The following HBP1 variants were observed in gnomAD, a reference collection of about 807,000 sequenced individuals.
The protein encoded by HBP1 is HMG-box transcription factor 1.
A neutral mutation model predicts 62.6 loss-of-function variants in HBP1; 20 were observed. The observed-to-expected ratio is 0.32, with a 90% confidence interval of 0.22 to 0.46. The LOEUF (loss-of-function observed/expected upper bound fraction) is 0.46. Ranked by LOEUF, HBP1 falls within the 20% of genes least tolerant of loss-of-function variation. The pLI is 1.00. For missense variants in HBP1, 480 were observed against 611.8 expected, an observed-to-expected ratio of 0.78 and a Z score of 2.27; for synonymous variants, 232 against 206.2, an observed-to-expected ratio of 1.12 and a Z score of -1.07.
intron 3 of HBP1, among the ~76,000 whole-genome samples, chr7:107,184,820 C>T (rs1337393965): frequency 3.3e-5 from 5 of 152,180 alleles, no homozygotes; most frequent in Non-Finnish European, 5.9e-5. Context: ...GGCCCTTCCT[C>T]TCCTTTTTAA....
At chr7:107,188,331 T>C (rs184252268) in intron 6 of HBP1, among the ~76,000 whole-genome samples, 244 of 152,314 alleles carry the variant, frequency 1.6e-3, no homozygotes, top group Non-Finnish European at 2.6e-3. Context: ...AAGTTGTTAT[T>C]ATCATCCTTC....
Position 107,189,292 on chromosome 7 carries a change from G to C in HBP1, c.766G>C (p.Gly256Arg). Residue 256 changes from glycine (G) to arginine (R), a missense_variant and splice_region_variant, in exon 7 of 11, where the codon GGC becomes CGC. Around this residue, in one of 4 missense-constraint regions of HBP1, gnomAD observed 304 missense variants for 330.9 expected, o/e 0.92. Coordinates refer to ENST00000222574, the MANE Select transcript of HBP1 (RefSeq NM_012257.4). ...EEDLQMGIHK[G>R]YGSDGLKLLS... ...ATTCACGCTATGCATATATTTTCAGGGCTATGGTTCTGATGGTCTAAAGTT... is the reference window on the plus strand; with the variant it reads ...ATTCACGCTATGCATATATTTTCAGCGCTATGGTTCTGATGGTCTAAAGTT... 6.2e-7 allele frequency: 1 copy of C among 1,610,670 alleles called. No individual in the cohort carries two copies. Among genetic ancestry groups the C allele is most frequent in the Non-Finnish European group, 8.5e-7 (1 of 1,177,546 alleles).
intron 3 of HBP1, among the ~76,000 whole-genome samples, chr7:107,184,635 C>T (rs1250781210): frequency 2.0e-5 from 3 of 152,134 alleles, no homozygotes; most frequent in African/African-American, 2.4e-5. Flanking sequence ...CTCAGCCTCC[C>T]GAGTAGCTGG....
chr7:107,173,957 G>T (rs1011193194), intron 1 of HBP1, among the ~76,000 whole-genome samples: 1 of 152,218 alleles, frequency 6.6e-6, no homozygotes, highest in African/African-American at 2.4e-5. Context: ...ATCAAAATGA[G>T]TATGTAATTG....
At chr7:107,176,447 A>G (rs1219480784) in intron 1 of HBP1, among the ~76,000 whole-genome samples, 2 of 152,194 alleles carry the variant, frequency 1.3e-5, no homozygotes, top group Non-Finnish European at 2.9e-5. Flanking sequence ...CAGCATTGCA[A>G]CTAATACAAT....
chr7:107,176,181 A>G (rs145369279), intron 1 of HBP1, among the ~76,000 whole-genome samples: 7 of 151,480 alleles, frequency 4.6e-5, no homozygotes, highest in African/African-American at 1.7e-4. Flanking sequence ...GCGTGCCACC[A>G]TACCTGGCTA....
At chr7:107,169,217 G>A (rs1375946611) in intron 1 of HBP1, 32 bp downstream of exon 1, 3 of 874,142 alleles carry the variant, frequency 3.4e-6, no homozygotes, top group South Asian at 2.0e-5. Context: ...GAAGAGGTGG[G>A]GGTGGGGAAG....
At chr7:107,199,710 T>A (rs1239046759) in intron 9 of HBP1, among the ~76,000 whole-genome samples, 1 of 152,258 alleles carries the variant, frequency 6.6e-6, no homozygotes, top group East Asian at 1.9e-4. Flanking sequence ...GAAAACAGCT[T>A]CTAATATTTG....
At chr7:107,197,870 T>G (rs1401957392) in intron 9 of HBP1, among the ~76,000 whole-genome samples, 1 of 152,236 alleles carries the variant, frequency 6.6e-6, no homozygotes, top group Non-Finnish European at 1.5e-5. Context: ...TTAAGAGTAA[T>G]TTGTACCTTT....
chr7:107,188,472 G>A (rs559118599), intron 6 of HBP1, among the ~76,000 whole-genome samples: 28 of 152,192 alleles, frequency 1.8e-4, no homozygotes, highest in Admixed American at 3.3e-4. Context: ...TTGTTCATGC[G>A]TTAGCGTAAT....
intron 3 of HBP1, among the ~76,000 whole-genome samples, chr7:107,184,833 A>C (rs900112490): frequency 2.0e-5 from 3 of 152,124 alleles, no homozygotes; most frequent in Non-Finnish European, 2.9e-5. Context: ...CTTTTTAAAG[A>C]GTATTAGTAC....
intron 8 of HBP1, among the ~76,000 whole-genome samples, chr7:107,191,379 T>C (rs1797640093): frequency 6.6e-6 from 1 of 152,196 alleles, no homozygotes; most frequent in Non-Finnish European, 1.5e-5. Context: ...ATATATAGAT[T>C]AATGATAACT....
intron 1 of HBP1, among the ~76,000 whole-genome samples, chr7:107,176,745 C>T (rs1377598127): frequency 1.4e-5 from 2 of 140,002 alleles, no homozygotes; most frequent in African/African-American, 2.7e-5. Flanking sequence ...GGCTTAAAAT[C>T]GTGATTTCAT....
chr7:107,171,087 T>TTTTTTTG (rs1796568117), intron 1 of HBP1, among the ~76,000 whole-genome samples: 1 of 133,794 alleles, frequency 7.5e-6, no homozygotes, highest in African/African-American at 3.0e-5. Context: ...TTTTTTTTTT[T>TTTTTTTG]TGAGAGGGAG....
chr7:107,201,330 C>T (rs1798280394), intron 10 of HBP1, 84 bp from the exon 11 acceptor site: 3 of 774,418 alleles, frequency 3.9e-6, no homozygotes, highest in Non-Finnish European at 6.5e-6. Context: ...AATTTATAAA[C>T]ATCTTATACA....
intron 4 of HBP1, 48 bp from the exon 5 acceptor site, chr7:107,186,313 G>T (rs1448558635): frequency 1.8e-6 from 2 of 1,088,994 alleles, no homozygotes; most frequent in Non-Finnish European, 2.8e-6. Flanking sequence ...ATATTAAAAG[G>T]TATATTTTAA....
At chr7:107,171,046 A>AATATATATATATATATAT (rs374693805) in intron 1 of HBP1, among the ~76,000 whole-genome samples, 5 of 60,522 alleles carry the variant, frequency 8.3e-5, no homozygotes, top group African/African-American at 2.3e-4. Context: ...TACATGTATA[A>AATATATATATATATATAT]ATATATATAT....
rs1368144008 is a variant in HBP1 at position 107,169,200 on chromosome 7, A to G, written c.-16+15A>G. 12 of 175,936 alleles carry G rather than the reference A, an allele frequency of 6.8e-5. No homozygotes were observed. The highest frequency in any genetic ancestry group is 1.0e-4 in the Non-Finnish European group (12 of 120,016). The allele number at this position is 175,936 out of a possible 1,614,324, so 10.9% of individuals were successfully genotyped here. ...CTTCGCGGCAGGTTTGTTGTCTTTCAGTTAGGGAAGAGGTGGGGGTGGGGA... is the reference window on the plus strand; with the variant it reads ...CTTCGCGGCAGGTTTGTTGTCTTTCGGTTAGGGAAGAGGTGGGGGTGGGGA... On this transcript the variant is annotated intron_variant, in intron 1 of 10. Coordinates refer to ENST00000222574, the MANE Select transcript of HBP1 (RefSeq NM_012257.4).
In HBP1 at chr7:107,202,089, C is replaced by G. The variant is rs1798368134; in HGVS notation, c.*658C>G. ...ATCCGTTATTATTTCCAATGGAGACCTAGCCCAGGCCAAGGTAAAGTTAGT... is the reference window on the plus strand; with the variant it reads ...ATCCGTTATTATTTCCAATGGAGACGTAGCCCAGGCCAAGGTAAAGTTAGT... On this transcript the variant is annotated 3_prime_UTR_variant, in exon 11 of 11. Transcript: ENST00000222574. The G allele has an allele frequency of 6.5e-6, 1 of 152,676 alleles. No individual in the cohort carries two copies. Among genetic ancestry groups the G allele is most frequent in the African/African-American group, 2.4e-5 (1 of 41,456 alleles). 9.5% of individuals were successfully genotyped at this position (152,676 alleles called of 1,614,324 possible).
Sources: gnomAD v4.1 joint callset for allele counts (sites outside exome capture counted in the v4.1 genomes callset) on GRCh38, gnomAD v4.1.1 for gene constraint, gnomAD v4.1.1 regional missense constraint, MANE v1.5 for transcripts, NCBI Gene and HGNC (gene_info 2026-07-23, HGNC 2026-07-21) for gene names.